Variants in CAMK2D observed in about 807,000 individuals in gnomAD.
The protein encoded by CAMK2D is calcium/calmodulin dependent protein kinase II delta.
CAMK2D carries 37 observed loss-of-function variants against 84.0 expected under a neutral mutation model. The ratio of observed to expected loss-of-function variants is 0.44; its 90% CI spans 0.34 to 0.58. CAMK2D has a LOEUF of 0.58. Ranked by LOEUF, CAMK2D falls within the 20% of genes least tolerant of loss-of-function variation. The pLI, the probability that CAMK2D is intolerant of heterozygous loss-of-function variation, is 0.02. For missense variants in CAMK2D, 448 were observed against 652.5 expected, an observed-to-expected ratio of 0.69 and a Z score of 3.41; for synonymous variants, 202 against 212.5, an observed-to-expected ratio of 0.95 and a Z score of 0.43.
At chr4:113,604,346 C>T (rs2098968656) in intron 4 of CAMK2D, among the ~76,000 whole-genome samples, 1 of 152,044 alleles carries the variant, frequency 6.6e-6, no homozygotes, top group African/African-American at 2.4e-5. Flanking sequence ...GCAATGATCA[C>T]GTAATTTTGA....
At chr4:113,490,036 A>G (rs1305912900) in intron 16 of CAMK2D, among the ~76,000 whole-genome samples, 1 of 151,692 alleles carries the variant, frequency 6.6e-6, no homozygotes, top group Non-Finnish European at 1.5e-5. Flanking sequence ...TAGATTCTGG[A>G]TATTAGCCCT....
At chr4:113,717,966 G>C (rs940495755) in intron 2 of CAMK2D, among the ~76,000 whole-genome samples, 1 of 151,914 alleles carries the variant, frequency 6.6e-6, no homozygotes, top group African/African-American at 2.4e-5. Flanking sequence ...AATTAATACT[G>C]TTAAGTGGCA....
chr4:113,558,041 A>C (rs1335215267), intron 4 of CAMK2D, among the ~76,000 whole-genome samples: 1 of 152,196 alleles, frequency 6.6e-6, no homozygotes, highest in Admixed American at 6.5e-5. Context: ...CAAAGATGCA[A>C]GACACTCTTT....
chr4:113,488,352 A>T (rs2097786274), intron 16 of CAMK2D, among the ~76,000 whole-genome samples: 1 of 152,182 alleles, frequency 6.6e-6, no homozygotes, highest in Admixed American at 6.5e-5. Flanking sequence ...AGTAATATCT[A>T]TGAATAGTTA....
intron 16 of CAMK2D, 55 bp downstream of exon 16, chr4:113,500,408 C>CAT (rs1167042432): frequency 1.5e-5 from 16 of 1,054,924 alleles, no homozygotes; most frequent in Middle Eastern, 2.8e-4. Flanking sequence ...CTTTTTTTTT[C>CAT]ATATATATAT....
intron 15 of CAMK2D, among the ~76,000 whole-genome samples, chr4:113,502,385 A>AAACAAC (rs139759722): frequency 6.6e-5 from 10 of 150,492 alleles, no homozygotes; most frequent in Admixed American, 3.3e-4. Context: ...AATTCATGCC[A>AAACAAC]AACAACAACA....
At chr4:113,717,467 T>C (rs1164860298) in intron 2 of CAMK2D, among the ~76,000 whole-genome samples, 1 of 152,114 alleles carries the variant, frequency 6.6e-6, no homozygotes, top group Non-Finnish European at 1.5e-5. Context: ...TCTTAAAAAA[T>C]TCCAGGACTT....
chr4:113,708,235 C>T (rs1388284680), intron 2 of CAMK2D, among the ~76,000 whole-genome samples: 4 of 152,162 alleles, frequency 2.6e-5, no homozygotes, highest in African/African-American at 9.7e-5. Context: ...ATTTGTGTTA[C>T]TAGTCATCAT....
chr4:113,711,594 G>T (rs2099492750), intron 2 of CAMK2D, among the ~76,000 whole-genome samples: 1 of 152,144 alleles, frequency 6.6e-6, no homozygotes, highest in Non-Finnish European at 1.5e-5. Context: ...CAATGAAATG[G>T]TTATTCTGCA....
chr4:113,548,517 A>C, intron 5 of CAMK2D: 1 of 543,012 alleles, frequency 1.8e-6, no homozygotes. Flanking sequence ...GGCATCATGC[A>C]TTATCATTTC....
chr4:113,679,230 T>C (rs2099330561), intron 2 of CAMK2D, among the ~76,000 whole-genome samples: 1 of 152,108 alleles, frequency 6.6e-6, no homozygotes, highest in African/African-American at 2.4e-5. Flanking sequence ...GCTAAAGAGC[T>C]CATTAAACTT....
chr4:113,519,342 TGCTTCTCTG>T (rs2098327725), intron 8 of CAMK2D, among the ~76,000 whole-genome samples: 1 of 152,234 alleles, frequency 6.6e-6, no homozygotes, highest in African/African-American at 2.4e-5. Context: ...GTTGATGTGG[TGCTTCTCTG>T]GGAAGAGGAA....
In CAMK2D at chr4:113,761,676, ACCTTGGCG is replaced by A; in HGVS notation, c.-616_-609del. On this transcript the variant is annotated 5_prime_UTR_variant, in exon 1 of 21. Transcript: ENST00000511664. ...GGCAGCGGCTCCGGCGAAGCGAGGC[ACCTTGGCG>A]GCCTCGCGCTGCTCACGAGCCCGCG... 1.0e-6 allele frequency: 1 copy of A among 984,054 alleles called. No individual in the cohort carries two copies. Among genetic ancestry groups the A allele is most frequent in the Non-Finnish European group, 1.2e-6 (1 of 828,940 alleles). The allele number at this position is 984,054 out of a possible 1,614,324, so 61.0% of individuals were successfully genotyped here. A position where few individuals can be genotyped will look rare whatever the true frequency, so the allele number is the denominator to read the frequency against.
At chr4:113,593,715 G>C (rs1013003611) in intron 4 of CAMK2D, among the ~76,000 whole-genome samples, 1 of 152,146 alleles carries the variant, frequency 6.6e-6, no homozygotes, top group Non-Finnish European at 1.5e-5. Context: ...AACCTGCTGG[G>C]GTTTTATCAG....
At chr4:113,743,847 T>A (rs2099598460) in intron 2 of CAMK2D, among the ~76,000 whole-genome samples, 1 of 139,468 alleles carries the variant, frequency 7.2e-6, no homozygotes, top group Non-Finnish European at 1.5e-5. Context: ...TCTTCCCTAC[T>A]TTTTTTTTTT....
At chr4:113,471,473 A>G (rs6842886) in intron 16 of CAMK2D, among the ~76,000 whole-genome samples, 26,055 of 152,044 alleles carry the variant, frequency 0.17, 2,762 homozygotes, top group East Asian at 0.37. Flanking sequence ...GCCCAAAATG[A>G]ACCTCAGTAT....
chr4:113,502,803 G>A lies in CAMK2D; in HGVS notation c.1086+133C>T, dbSNP rs952229884. 4.3e-5 allele frequency: 29 copies of A among 669,964 alleles called. No individual in the cohort carries two copies. In the African/African-American group the frequency reaches 5.0e-4, roughly 12 times the overall value. The allele number at this position is 669,964 out of a possible 1,614,324, so 41.5% of individuals were successfully genotyped here. A position where few individuals can be genotyped will look rare whatever the true frequency, so the allele number is the denominator to read the frequency against. The stretch of plus-strand genomic sequence containing the variant: ...ATGTCCATAGTTCTAGATAAATTAG[G>A]CCCAAAAGGAAGTGTGGTAGAAAAT... On this transcript the variant is annotated intron_variant, in intron 15 of 20. Transcript: ENST00000511664.
chr4:113,674,034 G>A lies in CAMK2D; in HGVS notation c.161-12262C>T, dbSNP rs546454995. ...TTTAACAAATATATAACCATCTAGT[G>A]TTTGAATTTACTGAATATCATTGCC... On this transcript the variant is annotated intron_variant, in intron 2 of 20. Transcript: ENST00000511664. Among the ~76,000 whole-genome samples the A allele has an allele frequency of 4.3e-4, 65 of 152,034 alleles. 2 individuals are homozygous for A. In the Middle Eastern group the frequency reaches 0.024, roughly 56 times the overall value.
chr4:113,469,411 C>T (rs2097520242), intron 16 of CAMK2D, among the ~76,000 whole-genome samples: 1 of 152,176 alleles, frequency 6.6e-6, no homozygotes, highest in Non-Finnish European at 1.5e-5. Flanking sequence ...TACATGTTCT[C>T]ATTCTCATTT....
Sources: allele counts gnomAD v4.1 joint callset (sites outside exome capture counted in the v4.1 genomes callset), GRCh38; gene constraint gnomAD v4.1.1; transcripts MANE v1.5; gene names NCBI Gene and HGNC (gene_info 2026-07-23, HGNC 2026-07-21).